The following ALAD variants were observed in gnomAD, a reference collection of about 807,000 sequenced individuals.
ALAD encodes delta-aminolevulinic acid dehydratase.
Under a neutral mutation model 44.4 loss-of-function variants are expected in ALAD, and 20 were observed. The observed-to-expected ratio is 0.45, with a 90% CI of 0.32 to 0.65. The LOEUF is 0.65. Ranked by LOEUF, ALAD falls within the 30% of genes least tolerant of loss-of-function variation. The pLI, the probability that ALAD is intolerant of heterozygous loss-of-function variation, is 0.05. For synonymous variants in ALAD, 156 were observed against 167.9 expected, an observed-to-expected ratio of 0.93 and a Z score of 0.55; for missense variants, 323 against 445.7, an observed-to-expected ratio of 0.72 and a Z score of 2.48.
intron 1 of ALAD, among the ~76,000 whole-genome samples, chr9:113,394,318 G>A (rs1827671746): frequency 6.6e-6 from 1 of 150,762 alleles, no homozygotes; most frequent in Non-Finnish European, 1.5e-5. Context: ...TGGCAGGATG[G>A]CTTGAGCCCA....
Position 113,389,754 on chromosome 9 carries a change from C to A in ALAD, c.626+19G>T, listed in dbSNP as rs767827395. On this transcript the variant is annotated intron_variant, in intron 8 of 11. Transcript: ENST00000409155. ...AAGGGCCAGGGATTCACAGCAGACC[C>A]CTGCCCACCCCTGCTCACCGGAAAG... is the stretch of plus-strand genomic sequence containing the variant. 1.9e-6 allele frequency: 3 copies of A among 1,614,222 alleles called. No homozygotes were observed. In the South Asian group the frequency reaches 3.3e-5, roughly 18 times the overall value.
intron 1 of ALAD, among the ~76,000 whole-genome samples, chr9:113,395,793 C>T (rs1263074866): frequency 1.3e-5 from 2 of 152,202 alleles, no homozygotes; most frequent in African/African-American, 2.4e-5. Flanking sequence ...CGTAGTGGCT[C>T]ACACCTGTAA....
intron 7 of ALAD, 39 bp downstream of exon 7, chr9:113,390,366 T>C: frequency 6.3e-7 from 1 of 1,597,642 alleles, no homozygotes. Context: ...TGGTGCAGAC[T>C]ATCTCCTGCC....
chr9:113,388,504 G>A, intron 11 of ALAD, 143 bp from the exon 12 acceptor site: 1 of 762,928 alleles, frequency 1.3e-6, no homozygotes, highest in African/African-American at 1.7e-5. Context: ...ACGGAGCCCA[G>A]CTTTGGGAAA....
At chr9:113,399,933 A>C (rs988564567) in intron 1 of ALAD, among the ~76,000 whole-genome samples, 1 of 152,204 alleles carries the variant, frequency 6.6e-6, no homozygotes, top group Non-Finnish European at 1.5e-5. Context: ...CAGTTCTGAA[A>C]AGAGATGAAG....
chr9:113,390,736 G>C, intron 5 of ALAD, 60 bp from the exon 6 acceptor site: 4 of 1,600,882 alleles, frequency 2.5e-6, no homozygotes, highest in East Asian at 2.3e-5. Flanking sequence ...TCCCCACCCT[G>C]TTGAGAAGTG....
chr9:113,397,434 CAGGGGCCAGCCCTGCTGCCACACCCCTGG>C (rs1378338350), intron 1 of ALAD: 1 of 152,246 alleles, frequency 6.6e-6, no homozygotes, highest in Non-Finnish European at 1.5e-5. Flanking sequence ...ACAAGTCACA[CAGGGGCCAGCCCTGCTGCCACACCCCTGG>C]GTGGGCCAGC....
chr9:113,396,868 G>A (rs1051382276), intron 1 of ALAD: 2 of 153,286 alleles, frequency 1.3e-5, no homozygotes, highest in African/African-American at 4.8e-5. Context: ...TGGGCTTGGA[G>A]AGGAGGTGGA....
chr9:113,392,124 C>T lies in ALAD; in HGVS notation c.159G>A (p.Val53=), dbSNP rs1439283133. ...CCCAACTCCACGTCTCCTACCTGGCCACTCCTGGGAGGCTGGTGATAGGCT... is the reference window on the plus strand; with the variant it reads ...CCCAACTCCACGTCTCCTACCTGGCTACTCCTGGGAGGCTGGTGATAGGCT... The part of the protein sequence containing the change: ...DIQPITSLPG[V]ARYGVKRLEE... Residue 53 remains valine, a synonymous_variant, in exon 3 of 12, where the codon GTG becomes GTA. Transcript: ENST00000409155. 6.2e-7 allele frequency: 1 copy of T among 1,612,680 alleles called. No individual in the cohort carries two copies. Among genetic ancestry groups the T allele is most frequent in the East Asian group, 2.2e-5 (1 of 44,864 alleles).
At chr9:113,393,371 G>C in intron 2 of ALAD, 76 bp downstream of exon 2, 6 of 1,375,860 alleles carry the variant, frequency 4.4e-6, no homozygotes, top group Non-Finnish European at 6.2e-6. Flanking sequence ...ACTGATGCCC[G>C]CTCCAGTCAA....
At chr9:113,397,625 T>C (rs796257974) in intron 1 of ALAD, among the ~76,000 whole-genome samples, 25 of 141,208 alleles carry the variant, frequency 1.8e-4, no homozygotes, top group East Asian at 8.1e-4. Flanking sequence ...CTTTTCTTTT[T>C]TTTTTTTTTT....
rs4986829 is a variant in ALAD at position 113,388,960 on chromosome 9, C to A, written c.931+17G>T. 3 of 1,613,766 alleles carry A rather than the reference C, an allele frequency of 1.9e-6. No homozygotes were observed. Among genetic ancestry groups the A allele is most frequent in the Admixed American group, 1.7e-5 (1 of 60,030 alleles). ...CCCTGTGGCGCAGGTCAAAACACCC[C>A]ACCCTTGCCTGCCTACCTGCTCTGC... On this transcript the variant is annotated intron_variant, in intron 11 of 11. Transcript: ENST00000409155.
chr9:113,392,016 TC>T, intron 3 of ALAD, 102 bp downstream of exon 3: 1 of 1,160,906 alleles, frequency 8.6e-7, no homozygotes, highest in East Asian at 2.6e-5. Flanking sequence ...TGTCTGTCTG[TC>T]CGCATCTTCT....
At chr9:113,397,871 C>T (rs1272174055) in intron 1 of ALAD, among the ~76,000 whole-genome samples, 2 of 152,102 alleles carry the variant, frequency 1.3e-5, no homozygotes, top group Admixed American at 6.5e-5. Flanking sequence ...GTGATCCGCC[C>T]GCCTCTGCCT....
Position 113,389,044 on chromosome 9 carries a change from T to C in ALAD, c.864A>G (p.Gly288=). ...TGAGATCAAATGCCCCGGCCTGGGC[T>C]CCATGCCACAGCATGGCAAACTCTC... ...VSGEFAMLWH[G]AQAGAFDLKA... Residue 288 remains glycine, a synonymous_variant, in exon 11 of 12, where the codon GGA becomes GGG. Coordinates refer to ENST00000409155, the MANE Select transcript of ALAD (RefSeq NM_000031.6). The C allele has an allele frequency of 6.2e-7, 1 of 1,613,908 alleles. No homozygotes were observed. Among genetic ancestry groups the C allele is most frequent in the Non-Finnish European group, 8.5e-7 (1 of 1,180,034 alleles).
rs78691919 is a variant in ALAD at position 113,388,305 on chromosome 9, C to T, written c.988G>A (p.Glu330Lys). The T allele has an allele frequency of 3.1e-6, 5 of 1,614,154 alleles. No homozygotes were observed. Among genetic ancestry groups the T allele is most frequent in the Middle Eastern group, 1.7e-4 (1 of 6,040 alleles). Residue 330 changes from glutamate (E) to lysine (K), a missense_variant, in exon 12 of 12, where the codon GAA (glutamate) becomes AAA (lysine). Physicochemically the swap from Glu to Lys is moderately conservative, Grantham distance 56. Coordinates refer to ENST00000409155, the MANE Select transcript of ALAD (RefSeq NM_000031.6). The stretch of plus-strand genomic sequence containing the variant: ...TGGGCCTGGCACTGTCTCCATCATT[C>T]CTCCTTCAGCCACTGCAGCAGCTGC... ...TPQLLQWLKEE is the reference protein window; with the variant it reads ...TPQLLQWLKEK
At chr9:113,394,007 C>T (rs570785540) in intron 1 of ALAD, among the ~76,000 whole-genome samples, 145 of 150,548 alleles carry the variant, frequency 9.6e-4, no homozygotes, top group South Asian at 4.6e-3. Context: ...GGTGCAATCT[C>T]GACTCACTGC....
chr9:113,388,086 C>G lies in ALAD; in HGVS notation c.*214G>C, dbSNP rs936305773. The G allele has an allele frequency of 4.9e-6, 3 of 613,134 alleles. No homozygotes were observed. The African/African-American group carries it at 5.4e-5, about 11-fold the overall frequency. 38.0% of individuals were successfully genotyped at this position (613,134 alleles called of 1,614,324 possible). A position where few individuals can be genotyped will look rare whatever the true frequency, so the allele number is the denominator to read the frequency against. ...CCTCACGGCTGACCCAGGGGAGGGG[C>G]GGGGAAGCTTGGGAGAGCTCATAGG... On this transcript the variant is annotated 3_prime_UTR_variant, in exon 12 of 12. Transcript: ENST00000409155.
intron 11 of ALAD, 76 bp downstream of exon 11, chr9:113,388,901 G>A (rs779809941): frequency 6.7e-5 from 107 of 1,605,600 alleles, no homozygotes; most frequent in Middle Eastern, 1.6e-4. Context: ...CTCTCAGGAC[G>A]TCGTTCCCCA....
Sources: allele counts gnomAD v4.1 joint callset (sites outside exome capture counted in the v4.1 genomes callset), GRCh38; gene constraint gnomAD v4.1.1; transcripts MANE v1.5; gene names NCBI Gene and HGNC (gene_info 2026-07-23, HGNC 2026-07-21).